The following GORASP2 variants were observed in gnomAD, a reference collection of about 807,000 sequenced individuals.
GORASP2 encodes golgi reassembly stacking protein 2.
In GORASP2, 22 loss-of-function variants were observed where a neutral mutation model predicts 45.7. That is an observed-to-expected ratio of 0.48 (90% CI 0.34 to 0.69). GORASP2 has a LOEUF of 0.69. Among genes scored for constraint, GORASP2 ranks in the 30% least tolerant of loss-of-function variants. The probability of loss-of-function intolerance (pLI) is 0.01; values close to 1 mark genes in which losing one functional copy is unlikely to be tolerated. For synonymous variants in GORASP2, 221 were observed against 215.6 expected (o/e 1.02, Z -0.22); for missense variants, 491 against 562.7 (o/e 0.87, Z 1.29).
chr2:170,939,596 T>C (rs1704028171), intron 1 of GORASP2, among the ~76,000 whole-genome samples: 2 of 152,220 alleles, frequency 1.3e-5, no homozygotes, highest in African/African-American at 4.8e-5. Flanking sequence ...GTTATTGTTG[T>C]TAATCTCTTA....
intron 1 of GORASP2, among the ~76,000 whole-genome samples, chr2:170,939,871 C>T (rs901911792): frequency 2.6e-5 from 4 of 152,188 alleles, no homozygotes; most frequent in African/African-American, 7.2e-5. Flanking sequence ...ATCACCTACG[C>T]ACACATATAG....
intron 1 of GORASP2, among the ~76,000 whole-genome samples, chr2:170,946,193 CAG>C (rs1379004952): frequency 6.6e-6 from 1 of 151,834 alleles, no homozygotes; most frequent in African/African-American, 2.4e-5. Context: ...TTTGTAGAAA[CAG>C]GGGTCTCCCT....
intron 1 of GORASP2, among the ~76,000 whole-genome samples, chr2:170,932,318 TCTC>T (rs1703843810): frequency 6.6e-6 from 1 of 152,202 alleles, no homozygotes; most frequent in Non-Finnish European, 1.5e-5. Flanking sequence ...ACCTCAGTCT[TCTC>T]AGTTGTTGAC....
At chr2:170,950,924 G>A (rs1009548236) in intron 4 of GORASP2, among the ~76,000 whole-genome samples, 1 of 152,132 alleles carries the variant, frequency 6.6e-6, no homozygotes, top group East Asian at 1.9e-4. Context: ...TGAGGCTGCA[G>A]TGAGGCAAAA....
rs140029870 is a variant in GORASP2, at chr2:170,929,828, G to A, written c.63+425G>A. The A allele has an allele frequency of 9.1e-4, 425 of 466,852 alleles. 2 individuals are homozygous for A. The highest frequency in any genetic ancestry group is 8.1e-3 in the African/African-American group (401 of 49,316). The allele number at this position is 466,852 out of a possible 1,614,324, so 28.9% of individuals were successfully genotyped here. ...TTGCGCTTTCCTAGGAGAGGGATCC[G>A]GACCCGCAGTCCGGAGGCGGGGCCT... On this transcript the variant is annotated intron_variant, in intron 1 of 9. Coordinates refer to ENST00000234160, the MANE Select transcript of GORASP2 (RefSeq NM_015530.5).
At chr2:170,939,748 G>A (rs1704031376) in intron 1 of GORASP2, among the ~76,000 whole-genome samples, 1 of 152,106 alleles carries the variant, frequency 6.6e-6, no homozygotes, top group Non-Finnish European at 1.5e-5. Context: ...AGATAACAGG[G>A]ACTACTATAG....
chr2:170,929,712 C>T (rs1470508773), intron 1 of GORASP2: 5 of 594,734 alleles, frequency 8.4e-6, no homozygotes, highest in Non-Finnish European at 1.3e-5. Context: ...GCACGGCCTT[C>T]TCTCTCCTCC....
Position 170,966,512 on chromosome 2 carries a change from G to A in GORASP2, c.*382G>A, listed in dbSNP as rs1037526367. On this transcript the variant is annotated 3_prime_UTR_variant, in exon 10 of 10. Transcript: ENST00000234160. The stretch of plus-strand genomic sequence containing the variant: ...AATATTCTATGCCTAATACTCACAC[G>A]CAACATTTCTTGTACTTTGTAAGTC... 21 of 249,380 alleles carry A rather than the reference G, an allele frequency of 8.4e-5. No homozygotes were observed. Among genetic ancestry groups the A allele is most frequent in the African/African-American group, 2.5e-4 (11 of 43,476 alleles). The allele number at this position is 249,380 out of a possible 1,614,324, so 15.4% of individuals were successfully genotyped here.
intron 1 of GORASP2, among the ~76,000 whole-genome samples, chr2:170,939,767 C>G (rs544760616): frequency 6.6e-6 from 1 of 152,294 alleles, no homozygotes; most frequent in Admixed American, 6.5e-5. Context: ...AGCTCCCTCA[C>G]CCTCCTCACT....
chr2:170,930,786 A>C (rs771900412), intron 1 of GORASP2, among the ~76,000 whole-genome samples: 1 of 152,096 alleles, frequency 6.6e-6, no homozygotes, highest in Non-Finnish European at 1.5e-5. Context: ...CCCAAATGTG[A>C]GGTGAAAGCT....
In GORASP2 at chr2:170,945,964, A is replaced by G. The variant is rs199524071; in HGVS notation, c.64-2386A>G. Among the ~76,000 whole-genome samples, 15 of 152,336 alleles carry G rather than the reference A, an allele frequency of 9.8e-5. No homozygotes were observed. In the East Asian group the frequency reaches 1.3e-3, roughly 14 times the overall value. The stretch of plus-strand genomic sequence containing the variant: ...CTATTTGGACTATTATAGAAAGTCA[A>G]CCTATAAATATCAATGCAAACTTTT... On this transcript the variant is annotated intron_variant, in intron 1 of 9. Transcript: ENST00000234160.
intron 1 of GORASP2, among the ~76,000 whole-genome samples, chr2:170,937,155 C>T (rs1703977154): frequency 6.6e-6 from 1 of 152,000 alleles, no homozygotes; most frequent in South Asian, 2.1e-4. Context: ...TTGCAGTGAG[C>T]CGAGATGGTG....
At position 170,966,266 on chromosome 2, in the gene GORASP2, A is replaced by G. The variant is rs1365656381; in HGVS notation, c.*136A>G. ...TGTAAATAATTCCAAGGGGAAAACTAAACGAGGACGTGGGTTGTATCCTGC... is the reference window on the plus strand; with the variant it reads ...TGTAAATAATTCCAAGGGGAAAACTGAACGAGGACGTGGGTTGTATCCTGC... On this transcript the variant is annotated 3_prime_UTR_variant, in exon 10 of 10. Coordinates refer to ENST00000234160, the MANE Select transcript of GORASP2 (RefSeq NM_015530.5). 9 of 692,302 alleles carry G rather than the reference A, an allele frequency of 1.3e-5. No individual in the cohort carries two copies. The highest frequency in any genetic ancestry group is 2.3e-5 in the Non-Finnish European group (9 of 396,898). 42.9% of individuals were successfully genotyped at this position (692,302 alleles called of 1,614,324 possible). A position where few individuals can be genotyped will look rare whatever the true frequency, so the allele number is the denominator to read the frequency against.
chr2:170,959,108 A>G (rs1001062391), intron 7 of GORASP2, among the ~76,000 whole-genome samples: 7 of 150,730 alleles, frequency 4.6e-5, no homozygotes, highest in African/African-American at 1.7e-4. Flanking sequence ...CTACAGGCGC[A>G]CGCCACCATG....
intron 1 of GORASP2, chr2:170,929,813 C>T (rs1703774651): frequency 2.1e-6 from 1 of 471,472 alleles, no homozygotes; most frequent in Non-Finnish European, 4.4e-6. Context: ...TTGCGCTTTC[C>T]TAGGAGAGGG....
intron 7 of GORASP2, among the ~76,000 whole-genome samples, chr2:170,958,671 TTTTAAA>T (rs1457925422): frequency 6.8e-5 from 5 of 73,352 alleles, no homozygotes; most frequent in South Asian, 1.3e-3. Flanking sequence ...TTTTTTTTTT[TTTTAAA>T]AAAAAAAAAA....
chr2:170,929,199 T>A, upstream of GORASP2: 1 of 554,896 alleles, frequency 1.8e-6, no homozygotes, highest in Non-Finnish European at 2.8e-6. Context: ...GCAGAGACGA[T>A]CTCCCGGCGG....
intron 7 of GORASP2, among the ~76,000 whole-genome samples, chr2:170,960,357 A>G (rs1056258857): frequency 6.6e-6 from 1 of 152,174 alleles, no homozygotes; most frequent in Non-Finnish European, 1.5e-5. Flanking sequence ...CTGCCTTCGA[A>G]AAATTGTTGT....
chr2:170,956,392 ATAAACT>A (rs752444984), intron 6 of GORASP2, 38 bp from the exon 7 acceptor site: 7 of 1,543,936 alleles, frequency 4.5e-6, no homozygotes, highest in Non-Finnish European at 6.1e-6. Flanking sequence ...TTTCTTTGAA[ATAAACT>A]TAAGTAATCT....
Sources: gnomAD v4.1 joint callset for allele counts (sites outside exome capture counted in the v4.1 genomes callset) on GRCh38, gnomAD v4.1.1 for gene constraint, MANE v1.5 for transcripts, NCBI Gene and HGNC (gene_info 2026-07-23, HGNC 2026-07-21) for gene names.